Variants in TPST1 observed in about 807,000 individuals in gnomAD.
TPST1 encodes protein-tyrosine sulfotransferase 1.
A neutral mutation model predicts 34.8 loss-of-function variants in TPST1; 20 were observed. That is an observed-to-expected ratio of 0.57 (90% CI 0.40 to 0.84). The LOEUF (loss-of-function observed/expected upper bound fraction) is 0.84, where lower values mean the gene tolerates loss of function less well. TPST1 is among the 40% of genes least tolerant of loss of function. The pLI, the probability that TPST1 is intolerant of heterozygous loss-of-function variation, is 0.00. For synonymous variants in TPST1, 152 were observed against 159.4 expected (o/e 0.95, Z 0.35); for missense variants, 353 against 455.5 (o/e 0.78, Z 2.05).
chr7:66,214,991 A>G (rs2116242942), intron 1 of TPST1, among the ~76,000 whole-genome samples: 1 of 146,722 alleles, frequency 6.8e-6, no homozygotes, highest in African/African-American at 2.5e-5. Flanking sequence ...TGCATTAACT[A>G]TATAAATATT....
intron 1 of TPST1, among the ~76,000 whole-genome samples, chr7:66,238,454 A>G: frequency 6.8e-6 from 1 of 147,052 alleles, no homozygotes; most frequent in South Asian, 2.1e-4. Flanking sequence ...TTAACCACTC[A>G]GTCAGTACTG....
chr7:66,344,691 G>A (rs935154931), intron 3 of TPST1, among the ~76,000 whole-genome samples: 11 of 150,480 alleles, frequency 7.3e-5, no homozygotes, highest in Non-Finnish European at 1.6e-4. Context: ...GATTACAGGT[G>A]TGAGGCACCT....
chr7:66,350,565 T>C (rs1792456539), intron 3 of TPST1, among the ~76,000 whole-genome samples: 2 of 152,090 alleles, frequency 1.3e-5, no homozygotes, highest in Admixed American at 6.5e-5. Context: ...TTTTAGGCAT[T>C]GCAGGAAAAA....
intron 2 of TPST1, among the ~76,000 whole-genome samples, chr7:66,241,607 G>A (rs1256831158): frequency 6.6e-6 from 1 of 152,136 alleles, no homozygotes; most frequent in Non-Finnish European, 1.5e-5. Flanking sequence ...TTCAGTTTTA[G>A]TGGCTTCTGA....
intron 3 of TPST1, among the ~76,000 whole-genome samples, chr7:66,314,022 C>T (rs1175399188): frequency 6.6e-6 from 1 of 152,132 alleles, no homozygotes; most frequent in Non-Finnish European, 1.5e-5. Context: ...CAGTGTTCCT[C>T]ATTCTGGGTT....
intron 2 of TPST1, among the ~76,000 whole-genome samples, chr7:66,261,297 T>G (rs1365528798): frequency 6.6e-6 from 1 of 151,888 alleles, no homozygotes; most frequent in Non-Finnish European, 1.5e-5. Context: ...TATAGATATT[T>G]CAATATGGTC....
intron 1 of TPST1, among the ~76,000 whole-genome samples, chr7:66,214,615 A>G (rs914497661): frequency 6.6e-6 from 1 of 151,172 alleles, no homozygotes; most frequent in East Asian, 1.9e-4. Flanking sequence ...CAGGGGTTCA[A>G]GACCAGCCTG....
At chr7:66,330,362 T>C (rs1791973426) in intron 3 of TPST1, among the ~76,000 whole-genome samples, 1 of 152,176 alleles carries the variant, frequency 6.6e-6, no homozygotes, top group African/African-American at 2.4e-5. Flanking sequence ...CTGCTAGTGT[T>C]GAAGATGGTG....
At chr7:66,261,541 A>G (rs1482561054) in intron 2 of TPST1, among the ~76,000 whole-genome samples, 2 of 151,894 alleles carry the variant, frequency 1.3e-5, no homozygotes, top group Non-Finnish European at 2.9e-5. Flanking sequence ...GTTATCTCCT[A>G]TTTCTTTATG....
intron 5 of TPST1, 27 bp downstream of exon 5, chr7:66,356,898 CTT>C: frequency 6.2e-7 from 1 of 1,612,898 alleles, no homozygotes; most frequent in South Asian, 1.1e-5. Flanking sequence ...ATTGCCAGGT[CTT>C]TCTGTTTCCC....
chr7:66,313,776 T>C (rs1791579348), intron 3 of TPST1, among the ~76,000 whole-genome samples: 1 of 152,146 alleles, frequency 6.6e-6, no homozygotes, highest in Non-Finnish European at 1.5e-5. Flanking sequence ...CAAATTCATG[T>C]GTTTGTCTTC....
chr7:66,339,387 G>A (rs1442744106), intron 3 of TPST1, among the ~76,000 whole-genome samples: 1 of 152,096 alleles, frequency 6.6e-6, no homozygotes, highest in Non-Finnish European at 1.5e-5. Context: ...GAAAAGCCCA[G>A]GACCTGTTGC....
Position 66,240,539 on chromosome 7 carries a change from T to C in TPST1, c.114T>C (p.Arg38=), listed in dbSNP as rs767441896. 2.5e-6 allele frequency: 4 copies of C among 1,614,186 alleles called. No homozygotes were observed. In the South Asian group the frequency reaches 4.4e-5, roughly 18 times the overall value. The change falls in exon 2 of 6, where the codon CGT becomes CGC. Residue 38 remains arginine (R), a synonymous_variant. Transcript: ENST00000304842. ...AATGCCATCACCGGATAGAGGAACGTAGCCAGCCAGTCAAATTGGAGAGCA... is the reference window on the plus strand; with the variant it reads ...AATGCCATCACCGGATAGAGGAACGCAGCCAGCCAGTCAAATTGGAGAGCA... ...AMECHHRIEE[R]SQPVKLESTR...
At position 66,255,846 on chromosome 7, in the gene TPST1, A is replaced by T. The variant is rs562470614; in HGVS notation, c.845+14576A>T. Among the ~76,000 whole-genome samples, 4 of 148,370 alleles carry T rather than the reference A, an allele frequency of 2.7e-5. No individual in the cohort carries two copies. In the South Asian group the frequency reaches 6.4e-4, roughly 24 times the overall value. ...AGTACTGTCAAATTCTCTTCTGCTTAAAAAAAAAACCAACTAGATTTAAGT... is the reference window on the plus strand; with the variant it reads ...AGTACTGTCAAATTCTCTTCTGCTTTAAAAAAAAACCAACTAGATTTAAGT... On this transcript the variant is annotated intron_variant, in intron 2 of 5. Coordinates refer to ENST00000304842, the MANE Select transcript of TPST1 (RefSeq NM_003596.4).
At chr7:66,269,634 G>A (rs1790658686) in intron 2 of TPST1, among the ~76,000 whole-genome samples, 1 of 152,162 alleles carries the variant, frequency 6.6e-6, no homozygotes, top group Admixed American at 6.5e-5. Flanking sequence ...TTTTTACTAA[G>A]CATCCATTAT....
rs183462080 is a variant in TPST1, at chr7:66,232,434, G to A, written c.-101-7891G>A. On this transcript the variant is annotated intron_variant, in intron 1 of 5. Coordinates refer to ENST00000304842, the MANE Select transcript of TPST1 (RefSeq NM_003596.4). Reference sequence around the variant, plus strand: ...GTCTCCCAGGCTGGAGTGCAGTGGCGTGATCTCCACTCACTGCAAGCTCTG... The same window carrying A: ...GTCTCCCAGGCTGGAGTGCAGTGGCATGATCTCCACTCACTGCAAGCTCTG... Among the ~76,000 whole-genome samples, 117 of 151,856 alleles carry A rather than the reference G, an allele frequency of 7.7e-4. No individual in the cohort carries two copies. The South Asian group carries it at 9.2e-3, about 12-fold the overall frequency.
intron 3 of TPST1, among the ~76,000 whole-genome samples, chr7:66,295,904 G>A (rs1259608313): frequency 1.3e-5 from 2 of 152,260 alleles, no homozygotes; most frequent in Admixed American, 1.3e-4. Context: ...GCCTCCCAAA[G>A]TGCTAGGATT....
At chr7:66,333,886 C>T (rs995671053) in intron 3 of TPST1, among the ~76,000 whole-genome samples, 4 of 152,164 alleles carry the variant, frequency 2.6e-5, no homozygotes, top group East Asian at 3.8e-4. Context: ...TTTTCAGAGG[C>T]CGCCAAACTA....
At chr7:66,201,621 G>A (rs1281107096), upstream of TPST1, among the ~76,000 whole-genome samples, 1 of 151,872 alleles carries the variant, frequency 6.6e-6, no homozygotes, top group African/African-American at 2.4e-5. Flanking sequence ...AACCTGGGAG[G>A]CAGAGGTTGC....
Sources: allele counts gnomAD v4.1 joint callset (sites outside exome capture counted in the v4.1 genomes callset), GRCh38; gene constraint gnomAD v4.1.1; transcripts MANE v1.5; gene names NCBI Gene and HGNC (gene_info 2026-07-23, HGNC 2026-07-21).